PTPN23: variants seen among roughly 807,000 people sequenced by gnomAD.
PTPN23 encodes tyrosine-protein phosphatase non-receptor type 23.
Under a neutral mutation model 156.3 loss-of-function variants are expected in PTPN23, and 72 were observed. The observed-to-expected ratio is 0.46, with a 90% CI of 0.38 to 0.56. PTPN23 has a LOEUF of 0.56. Among genes scored for constraint, PTPN23 ranks in the 20% least tolerant of loss-of-function variants. The pLI, the probability that PTPN23 is intolerant of heterozygous loss-of-function variation, is 0.00. For synonymous variants in PTPN23, 957 were observed against 899.6 expected (o/e 1.06, Z -1.14); for missense variants, 1,974 against 2,171.5 (o/e 0.91, Z 1.81).
chr3:47,384,805 C>T (rs1704620933), intron 1 of PTPN23, among the ~76,000 whole-genome samples: 1 of 151,818 alleles, frequency 6.6e-6, no homozygotes, highest in African/African-American at 2.4e-5. Flanking sequence ...TTTCGTTGCC[C>T]AGGCTGGAGT....
Position 47,407,756 on chromosome 3 carries a change from G to T in PTPN23, c.1063G>T (p.Asp355Tyr). The change falls in exon 13 of 25, where the codon GAC becomes TAC. Residue 355 changes from aspartate (D) to tyrosine (Y), a missense_variant. By Grantham distance (160) the Asp-to-Tyr change is radical. Transcript: ENST00000265562. This position sits in a 1 kb window ranked among gnomAD's most constrained non-coding sequence, Gnocchi z 4.0. ...NPTDPAVTGP[D>Y]IFAKLVPMAA... ...CACAGACCCAGCTGTTACAGGCCCT[G>T]ACATCTTTGCCAAACTGGTACCCAT... The T allele has an allele frequency of 6.2e-7, 1 of 1,614,120 alleles. No individual in the cohort carries two copies. The highest frequency in any genetic ancestry group is 8.5e-7 in the Non-Finnish European group (1 of 1,180,020).
rs1305556399 is a variant in PTPN23 at position 47,411,486 on chromosome 3, G to A, written c.3688G>A (p.Asp1230Asn). The A allele has an allele frequency of 6.2e-7, 1 of 1,613,048 alleles. No individual in the cohort carries two copies. Among genetic ancestry groups the A allele is most frequent in the Admixed American group, 1.7e-5 (1 of 60,016 alleles). Residue 1230 changes from aspartate to asparagine, a missense_variant, in exon 20 of 25, where the codon GAC (aspartate) becomes AAC (asparagine). Around this residue, in one of 4 missense-constraint regions of PTPN23, gnomAD observed 33 missense variants for 56.9 expected, o/e 0.58. Transcript: ENST00000265562. This position sits in a 1 kb window ranked among gnomAD's most constrained non-coding sequence, Gnocchi z 6.3. ...KNRHQDVMPY[D>N]SNRVVLRSGK... ...CCGGCACCAGGATGTCATGCCCTAT[G>A]ACAGTAACCGTGTGGTGCTGCGCTC...
At chr3:47,389,251 C>T (rs553714525) in intron 1 of PTPN23, among the ~76,000 whole-genome samples, 10 of 152,270 alleles carry the variant, frequency 6.6e-5, no homozygotes, top group South Asian at 6.2e-4. Context: ...GGAAATAACT[C>T]GAATCCTTAT....
In PTPN23 at chr3:47,407,141, C is replaced by T; in HGVS notation, c.819C>T (p.Phe273=). ...QQKFGERVAY[F]QSALDKLNEA... ...GCCACCCTCCACAGGTTGCATACTT[C>T]CAGAGCGCCCTGGACAAGCTCAATG... Residue 273 remains phenylalanine (F), a synonymous_variant, in exon 10 of 25, where the codon TTC becomes TTT. Coordinates refer to ENST00000265562, the MANE Select transcript of PTPN23 (RefSeq NM_015466.4). The surrounding 1 kb of genome is among the most constrained non-coding windows in gnomAD (Gnocchi z 4.0). 1.2e-6 allele frequency: 2 copies of T among 1,614,006 alleles called. No individual in the cohort carries two copies. The highest frequency in any genetic ancestry group is 8.5e-7 in the Non-Finnish European group (1 of 1,179,960).
chr3:47,392,686 C>G (rs1225050542), intron 1 of PTPN23, among the ~76,000 whole-genome samples: 1 of 152,100 alleles, frequency 6.6e-6, no homozygotes, highest in Non-Finnish European at 1.5e-5. Context: ...TGGCTTTTAT[C>G]ATATTCTCAA....
Position 47,412,337 on chromosome 3 carries a change from G to A in PTPN23, c.4233G>A (p.Glu1411=), listed in dbSNP as rs748565949. ...CACTGCTCTATGCAGCTGTGCAGGAGGTGGAGGCTGGGAACGGAATCCCTG... is the reference window on the plus strand; with the variant it reads ...CACTGCTCTATGCAGCTGTGCAGGAAGTGGAGGCTGGGAACGGAATCCCTG... The part of the protein sequence containing the change: ...AFALLYAAVQ[E]VEAGNGIPEL... The change falls in exon 23 of 25, where the codon GAG becomes GAA. Residue 1411 remains glutamate, a synonymous_variant. Transcript: ENST00000265562. 18 of 1,613,258 alleles carry A rather than the reference G, an allele frequency of 1.1e-5. No homozygotes were observed. In the Admixed American group the frequency reaches 2.3e-4, roughly 21 times the overall value.
chr3:47,392,428 C>G lies in PTPN23; in HGVS notation c.85-3715C>G, dbSNP rs1704794547. On this transcript the variant is annotated intron_variant, in intron 1 of 24. Coordinates refer to ENST00000265562, the MANE Select transcript of PTPN23 (RefSeq NM_015466.4). ...TCTGGAACTCCTAGCCTCAAGTGAT[C>G]CTCTCACCCCAGCCTACCAAAGTGC... Among the ~76,000 whole-genome samples the G allele has an allele frequency of 2.0e-5, 3 of 152,126 alleles. No individual in the cohort carries two copies. In the South Asian group the frequency reaches 6.2e-4, roughly 31 times the overall value.
Position 47,412,955 on chromosome 3 carries a change from G to GAGCC in PTPN23, c.4682_4685dup (p.Pro1563AlafsTer5). On this transcript the variant is annotated frameshift_variant, in exon 25 of 25. Transcript: ENST00000265562. LOFTEE classifies it high-confidence loss of function. ...ACCTGAGGCTCCCCAGCCTAAGGAG[G>GAGCC]AGCCGCCAGTGCCTGAAGCCCCCAG... 6.2e-7 allele frequency: 1 copy of GAGCC among 1,606,716 alleles called. No individual in the cohort carries two copies. The highest frequency in any genetic ancestry group is 8.5e-7 in the Non-Finnish European group (1 of 1,176,490).
At position 47,405,564 on chromosome 3, in the gene PTPN23, G is replaced by A. The variant is rs141726194; in HGVS notation, c.365-185G>A. On this transcript the variant is annotated intron_variant, in intron 4 of 24. Coordinates refer to ENST00000265562, the MANE Select transcript of PTPN23 (RefSeq NM_015466.4). The surrounding 1 kb of genome is among the most constrained non-coding windows in gnomAD (Gnocchi z 4.7). Reference sequence around the variant, plus strand: ...ATCCTCTGCCAAATGCAGAGCAGGAGACTGAGGGCTGGGCAGGACTTCTGA... The same window carrying A: ...ATCCTCTGCCAAATGCAGAGCAGGAAACTGAGGGCTGGGCAGGACTTCTGA... 3.2e-4 allele frequency: 200 copies of A among 633,458 alleles called. 1 individual carries two copies. In the East Asian group the frequency reaches 4.2e-3, roughly 13 times the overall value. 39.2% of individuals were successfully genotyped at this position (633,458 alleles called of 1,614,324 possible). A position where few individuals can be genotyped will look rare whatever the true frequency, so the allele number is the denominator to read the frequency against.
rs1386788534 is a variant in PTPN23 at position 47,411,526 on chromosome 3, A to G, written c.3728A>G (p.Tyr1243Cys). The G allele has an allele frequency of 6.2e-7, 1 of 1,612,930 alleles. No homozygotes were observed. Among genetic ancestry groups the G allele is most frequent in the Non-Finnish European group, 8.5e-7 (1 of 1,179,988 alleles). ...RVVLRSGKDD[Y>C]INASCVEGLS... ...GTGCTGCGCTCAGGCAAGGATGACT[A>G]CATCAATGCCAGCTGCGTGGAGGGG... is the stretch of plus-strand genomic sequence containing the variant. Residue 1243 changes from tyrosine to cysteine, a missense_variant, in exon 20 of 25, where the codon TAC becomes TGC. Coordinates refer to ENST00000265562, the MANE Select transcript of PTPN23 (RefSeq NM_015466.4). This position sits in a 1 kb window ranked among gnomAD's most constrained non-coding sequence, Gnocchi z 6.3.
At chr3:47,391,743 C>T (rs1013084599) in intron 1 of PTPN23, among the ~76,000 whole-genome samples, 12 of 152,130 alleles carry the variant, frequency 7.9e-5, no homozygotes, top group African/African-American at 2.9e-4. Context: ...CTCTATCCCA[C>T]GAGACCTCTG....
chr3:47,400,486 G>A (rs1704970641), intron 2 of PTPN23, among the ~76,000 whole-genome samples: 1 of 152,344 alleles, frequency 6.6e-6, no homozygotes, highest in Admixed American at 6.5e-5. Context: ...GGATTAAAGG[G>A]TACAGGTGAT....
intron 1 of PTPN23, among the ~76,000 whole-genome samples, chr3:47,390,702 T>C (rs1322213011): frequency 2.0e-5 from 3 of 152,202 alleles, no homozygotes; most frequent in Non-Finnish European, 2.9e-5. Context: ...GAGGATTTTG[T>C]TAGGGTTTTA....
Position 47,406,198 on chromosome 3 carries a change from A to G in PTPN23, c.547-127A>G, listed in dbSNP as rs1705118657. 6 of 1,458,562 alleles carry G rather than the reference A, an allele frequency of 4.1e-6. 1 individual carries two copies. Among genetic ancestry groups the G allele is most frequent in the Non-Finnish European group, 4.7e-6 (5 of 1,067,866 alleles). 90.4% of individuals were successfully genotyped at this position (1,458,562 alleles called of 1,614,324 possible). ...TCAGGAGCACCGTGGTGCTGCTTGG[A>G]GTGGGGGCAGCTGGGGGAGAGGGCA... On this transcript the variant is annotated intron_variant, in intron 6 of 24. Transcript: ENST00000265562. This position sits in a 1 kb window ranked among gnomAD's most constrained non-coding sequence, Gnocchi z 5.8.
chr3:47,412,439 T>A lies in PTPN23; in HGVS notation c.4317+18T>A. On this transcript the variant is annotated intron_variant, in intron 23 of 24. Coordinates refer to ENST00000265562, the MANE Select transcript of PTPN23 (RefSeq NM_015466.4). ...AGGAGAAGGTGAGGATCTGGGCAGA[T>A]GGGGCTGGGATGGGCCTTCTGTCCC... is the stretch of plus-strand genomic sequence containing the variant. The A allele has an allele frequency of 6.2e-7, 1 of 1,612,486 alleles. No individual in the cohort carries two copies. Among genetic ancestry groups the A allele is most frequent in the Non-Finnish European group, 8.5e-7 (1 of 1,179,568 alleles).
intron 1 of PTPN23, among the ~76,000 whole-genome samples, chr3:47,382,629 T>C (rs182581802): frequency 1.3e-5 from 2 of 151,278 alleles, no homozygotes; most frequent in African/African-American, 4.8e-5. Flanking sequence ...ACAAATACAA[T>C]TGGATGAATT....
chr3:47,411,021 G>A lies in PTPN23; in HGVS notation c.3223G>A (p.Ala1075Thr). Residue 1075 changes from alanine to threonine, a missense_variant, in exon 20 of 25, where the codon GCT becomes ACT. Physicochemically the swap from Ala to Thr is moderately conservative, Grantham distance 58. Transcript: ENST00000265562. This position sits in a 1 kb window ranked among gnomAD's most constrained non-coding sequence, Gnocchi z 6.3. Reference protein sequence around the residue: ...APLTIRGPSSAGQSTPSPHLV... With the variant: ...APLTIRGPSSTGQSTPSPHLV... The stretch of plus-strand genomic sequence containing the variant: ...TCTTACCATTCGAGGGCCCTCGTCT[G>A]CTGGCCAGTCCACCCCTAGTCCCCA... The A allele has an allele frequency of 6.3e-7, 1 of 1,593,298 alleles. No individual in the cohort carries two copies. The highest frequency in any genetic ancestry group is 1.7e-4 in the Middle Eastern group (1 of 5,934).
In PTPN23 at chr3:47,408,391, C is replaced by G. The variant is rs370773584; in HGVS notation, c.1231C>G (p.Leu411Val). 2 of 1,614,156 alleles carry G rather than the reference C, an allele frequency of 1.2e-6. No homozygotes were observed. Among genetic ancestry groups the G allele is most frequent in the Non-Finnish European group, 1.7e-6 (2 of 1,180,016 alleles). Residue 411 changes from leucine to valine, a missense_variant, in exon 15 of 25, where the codon CTT becomes GTT. This residue lies in a region of PTPN23 where 726 missense variants were observed against 929.5 expected (regional missense o/e 0.78). Coordinates refer to ENST00000265562, the MANE Select transcript of PTPN23 (RefSeq NM_015466.4). ...GTTGGATCCCGAGACGGTGGACAAC[C>G]TTGATGCCTACAGCCACATCCCACC... ...MQLDPETVDNLDAYSHIPPQL... is the reference protein window; with the variant it reads ...MQLDPETVDNVDAYSHIPPQL...
intron 2 of PTPN23, among the ~76,000 whole-genome samples, chr3:47,396,842 C>G (rs1192324537): frequency 1.3e-5 from 2 of 152,182 alleles, no homozygotes; most frequent in African/African-American, 4.8e-5. Context: ...GGGAAGATCA[C>G]TTGAGCCCAG....
Sources: gnomAD v4.1 joint callset for allele counts (sites outside exome capture counted in the v4.1 genomes callset) on GRCh38, gnomAD v4.1.1 for gene constraint, gnomAD v4.1.1 regional missense constraint, Gnocchi (gnomAD v3.1) non-coding constraint, MANE v1.5 for transcripts, NCBI Gene and HGNC (gene_info 2026-07-23, HGNC 2026-07-21) for gene names.